Variants in ZNF765 observed in about 807,000 individuals in gnomAD.
ZNF765 encodes zinc finger protein 765.
ZNF765 carries 37 observed loss-of-function variants against 44.7 expected under a neutral mutation model. The ratio of observed to expected loss-of-function variants is 0.83; its 90% CI spans 0.64 to 1.09. The LOEUF (loss-of-function observed/expected upper bound fraction) is 1.09. ZNF765 is among the 50% of genes least tolerant of loss of function. The probability of loss-of-function intolerance (pLI) is 0.00; values close to 1 mark genes in which losing one functional copy is unlikely to be tolerated. For synonymous variants in ZNF765, 201 were observed against 213.7 expected, an observed-to-expected ratio of 0.94 and a Z score of 0.52; for missense variants, 594 against 626.1, an observed-to-expected ratio of 0.95 and a Z score of 0.55.
At position 53,410,143 on chromosome 19, in the gene ZNF765, CAT is replaced by C. The variant is rs1195135680; in HGVS notation, c.*1018_*1019del. 9 of 423,780 alleles carry C rather than the reference CAT, an allele frequency of 2.1e-5. No homozygotes were observed. Among genetic ancestry groups the C allele is most frequent in the Admixed American group, 5.8e-5 (2 of 34,226 alleles). 26.3% of individuals were successfully genotyped at this position (423,780 alleles called of 1,614,324 possible). A position where few individuals can be genotyped will look rare whatever the true frequency, so the allele number is the denominator to read the frequency against. On this transcript the variant is annotated 3_prime_UTR_variant, in exon 4 of 4. Coordinates refer to ENST00000396408, the MANE Select transcript of ZNF765 (RefSeq NM_001040185.3). ...CAGATTCAAATCAAACCTTGATAGT[CAT>C]AGAATTCATACTAGAGAGAAACCTT...
chr19:53,416,416 A>G (rs2085875454), downstream of ZNF765, among the ~76,000 whole-genome samples: 1 of 152,178 alleles, frequency 6.6e-6, no homozygotes, highest in African/African-American at 2.4e-5. Flanking sequence ...AAAAAATAAA[A>G]TAAAATTCAA....
chr19:53,426,399 G>A (rs2147111718), exon 4 of ZNF765: 1 of 152,182 alleles, frequency 6.6e-6, no homozygotes, highest in East Asian at 1.9e-4. Flanking sequence ...ACCCAGTGAG[G>A]GCCCGCGGGG....
chr19:53,409,864 T>G lies in ZNF765; in HGVS notation c.*737T>G. ...GTAGACTTCATACTGGAGAGGTACC[T>G]TACAAGGATAATGAGTGTAGAAAAA... On this transcript the variant is annotated 3_prime_UTR_variant, in exon 4 of 4. Coordinates refer to ENST00000396408, the MANE Select transcript of ZNF765 (RefSeq NM_001040185.3). 1 of 661,774 alleles carries G rather than the reference T, an allele frequency of 1.5e-6. No homozygotes were observed. The highest frequency in any genetic ancestry group is 2.9e-6 in the Non-Finnish European group (1 of 344,974). 41.0% of individuals were successfully genotyped at this position (661,774 alleles called of 1,614,324 possible).
chr19:53,403,891 T>G (rs1180987270), intron 3 of ZNF765, among the ~76,000 whole-genome samples: 2 of 151,904 alleles, frequency 1.3e-5, no homozygotes, highest in Admixed American at 6.6e-5. Context: ...CAAAAGCCAC[T>G]CTTTCTCTAC....
chr19:53,414,486 CACA>C (rs1568786104), downstream of ZNF765, among the ~76,000 whole-genome samples: 7 of 7,016 alleles, frequency 1.0e-3, no homozygotes, highest in African/African-American at 2.6e-3. Flanking sequence ...CACACACACA[CACA>C]CCCCCCCCCC....
rs549282538 is a variant in ZNF765, at chr19:53,408,159, T to C, written c.604T>C (p.Phe202Leu). ...GAATAATTTCCTGAATTCTTCATTA[T>C]TCACACAAAAACAGGAAGTACATAT... ...YGNNFLNSSL[F>L]TQKQEVHMRE... is the part of the protein sequence containing the mutation. Residue 202 changes from phenylalanine to leucine, a missense_variant, in exon 4 of 4, where the codon TTC becomes CTC. Transcript: ENST00000396408. 6.2e-7 allele frequency: 1 copy of C among 1,614,058 alleles called. No homozygotes were observed. The highest frequency in any genetic ancestry group is 2.2e-5 in the East Asian group (1 of 44,878).
intron 2 of ZNF765, among the ~76,000 whole-genome samples, chr19:53,400,376 A>C (rs889863218): frequency 4.6e-5 from 7 of 152,052 alleles, no homozygotes; most frequent in African/African-American, 1.7e-4. Flanking sequence ...CTCTGTGCAC[A>C]CCCGCGTTAC....
At chr19:53,397,873 A>G (rs1206561134) in intron 1 of ZNF765, 70 bp from the exon 2 acceptor site, 47 of 1,375,784 alleles carry the variant, frequency 3.4e-5, no homozygotes, top group Non-Finnish European at 4.3e-5. Context: ...TCTCCTTTGT[A>G]TGTGTTGTTG....
chr19:53,403,793 G>A (rs2085750442), intron 3 of ZNF765, among the ~76,000 whole-genome samples: 1 of 150,550 alleles, frequency 6.6e-6, no homozygotes, highest in African/African-American at 2.4e-5. Context: ...AGTGAGCCGA[G>A]ATTGTGCCAC....
rs60063752 is a variant in ZNF765 at position 53,409,553 on chromosome 19, A to ACT, written c.*426_*427insCT. 2 of 1,122,712 alleles carry ACT rather than the reference A, an allele frequency of 1.8e-6. No individual in the cohort carries two copies. The highest frequency in any genetic ancestry group is 6.8e-5 in the African/African-American group (2 of 29,242). The allele number at this position is 1,122,712 out of a possible 1,614,324, so 69.5% of individuals were successfully genotyped here. A position where few individuals can be genotyped will look rare whatever the true frequency, so the allele number is the denominator to read the frequency against. On this transcript the variant is annotated 3_prime_UTR_variant, in exon 4 of 4. Transcript: ENST00000396408. ...AAACCTTACAAATGTGAAGAATTTG[A>ACT]GTTTTCCATTTCAAATCAAACCTTG...
downstream of ZNF765, among the ~76,000 whole-genome samples, chr19:53,413,982 G>A (rs1477568331): frequency 7.1e-6 from 1 of 140,034 alleles, no homozygotes; most frequent in Non-Finnish European, 1.5e-5. Flanking sequence ...GGCTCATGCC[G>A]CTAATCCCAC....
chr19:53,402,339 C>G, intron 3 of ZNF765, 148 bp downstream of exon 3: 1 of 1,403,140 alleles, frequency 7.1e-7, no homozygotes. Context: ...TCACGGCCAG[C>G]TCCGCCTCCC....
chr19:53,418,873 C>T (rs2085890746), intron 3 of ZNF765, among the ~76,000 whole-genome samples: 1 of 146,360 alleles, frequency 6.8e-6, no homozygotes, highest in Non-Finnish European at 1.5e-5. Context: ...CTACTTCACT[C>T]CAGCCTGGGC....
In ZNF765 at chr19:53,408,430, T is replaced by C; in HGVS notation, c.875T>C (p.Leu292Pro). ...QTYYLTCHRR[L>P]HTGEKPYKCE... ...TATTACCTAACATGCCATCGTAGAC[T>C]TCATACTGGAGAGAAACCTTACAAA... Residue 292 changes from leucine (L) to proline (P), a missense_variant, in exon 4 of 4, where the codon CTT (leucine) becomes CCT (proline). Leu to Pro is a moderately conservative substitution (Grantham distance 98). This residue lies in a region of ZNF765 where 567 missense variants were observed against 572.6 expected (regional missense o/e 0.99). Coordinates refer to ENST00000396408, the MANE Select transcript of ZNF765 (RefSeq NM_001040185.3). The C allele has an allele frequency of 6.2e-7, 1 of 1,613,972 alleles. No individual in the cohort carries two copies. Among genetic ancestry groups the C allele is most frequent in the Non-Finnish European group, 8.5e-7 (1 of 1,179,966 alleles).
chr19:53,401,181 A>C (rs1385044814), intron 2 of ZNF765, among the ~76,000 whole-genome samples: 3 of 152,068 alleles, frequency 2.0e-5, no homozygotes, highest in African/African-American at 7.2e-5. Context: ...TTAGTTTCTC[A>C]TCTTTCACTG....
intron 3 of ZNF765, chr19:53,422,933 G>T (rs1257384039): frequency 1.3e-5 from 9 of 719,210 alleles, no homozygotes; most frequent in East Asian, 2.7e-5. Context: ...CAGATTTGAT[G>T]ATCAGACACC....
intron 2 of ZNF765, 159 bp from the exon 3 acceptor site, chr19:53,401,906 C>G: frequency 6.5e-7 from 1 of 1,541,294 alleles, no homozygotes; most frequent in Non-Finnish European, 8.9e-7. Flanking sequence ...TTAGTAAACA[C>G]AACTGGGAAG....
In ZNF765 at chr19:53,406,859, G is replaced by A. The variant is rs560716584; in HGVS notation, c.143-839G>A. ...GAACCCAAAAGGTGGAGGTTGCAGT[G>A]AGCTGAGATCGGGCCATTGAACTCC... On this transcript the variant is annotated intron_variant, in intron 3 of 3. Transcript: ENST00000396408. Among the ~76,000 whole-genome samples, 8 of 152,298 alleles carry A rather than the reference G, an allele frequency of 5.3e-5. 1 individual carries two copies. The East Asian group carries it at 1.5e-3, about 29-fold the overall frequency.
intron 3 of ZNF765, 88 bp from the exon 4 acceptor site, chr19:53,407,610 G>A: frequency 9.8e-7 from 1 of 1,017,210 alleles, no homozygotes; most frequent in Non-Finnish European, 1.4e-6. Context: ...TTTAAAATAA[G>A]TATTGTTTTT....
Sources: allele counts gnomAD v4.1 joint callset (sites outside exome capture counted in the v4.1 genomes callset), GRCh38; gene constraint gnomAD v4.1.1; regional missense constraint gnomAD v4.1.1; transcripts MANE v1.5; gene names NCBI Gene and HGNC (gene_info 2026-07-23, HGNC 2026-07-21).